CNOT9: variants seen among roughly 807,000 people sequenced by gnomAD.
CNOT9 encodes the protein RCD1 required for cell differentiation1 homolog.
In CNOT9, 8 loss-of-function variants were observed where a neutral mutation model predicts 37.4. That is an observed-to-expected ratio of 0.21 (90% CI 0.13 to 0.39). The LOEUF (loss-of-function observed/expected upper bound fraction) is 0.39. CNOT9 is among the 10% of genes least tolerant of loss of function. CNOT9 has a pLI of 1.00. For missense variants in CNOT9, 154 were observed against 365.3 expected (o/e 0.42, Z 4.71); for synonymous variants, 120 against 137.6 (o/e 0.87, Z 0.90).
At chr2:218,589,442 C>G (rs958853887) in intron 5 of CNOT9, 1 of 152,128 alleles carries the variant, frequency 6.6e-6, no homozygotes, top group African/African-American at 2.4e-5. Context: ...TCAGTTGATC[C>G]TCCCACCTCA....
intron 1 of CNOT9, among the ~76,000 whole-genome samples, chr2:218,572,003 G>A (rs564396931): frequency 6.6e-6 from 1 of 151,504 alleles, no homozygotes; most frequent in Admixed American, 6.6e-5. Context: ...TACCACACAG[G>A]ATTATTCTAA....
chr2:218,569,748 C>T (rs1376368563), intron 1 of CNOT9, among the ~76,000 whole-genome samples: 1 of 152,210 alleles, frequency 6.6e-6, no homozygotes, highest in Non-Finnish European at 1.5e-5. Flanking sequence ...TTTGTGGTCT[C>T]TATGCCTGGA....
chr2:218,592,785 G>A lies in CNOT9; in HGVS notation c.731+78G>A, dbSNP rs538697735. 5.3e-6 allele frequency: 6 copies of A among 1,128,704 alleles called. No homozygotes were observed. The highest frequency in any genetic ancestry group is 8.1e-6 in the Non-Finnish European group (6 of 742,242). The allele number at this position is 1,128,704 out of a possible 1,614,324, so 69.9% of individuals were successfully genotyped here. A position where few individuals can be genotyped will look rare whatever the true frequency, so the allele number is the denominator to read the frequency against. On this transcript the variant is annotated intron_variant, in intron 7 of 7. Coordinates refer to ENST00000273064, the MANE Select transcript of CNOT9 (RefSeq NM_005444.3). The surrounding 1 kb of genome is among the most constrained non-coding windows in gnomAD (Gnocchi z 4.1). ...TTCCTAATCTCATGGCATAGCTCCT[G>A]TGTCTTTAGGACAGGGAAGTGGGGA...
intron 5 of CNOT9, among the ~76,000 whole-genome samples, chr2:218,589,714 C>T (rs1179311379): frequency 1.3e-5 from 2 of 152,216 alleles, no homozygotes; most frequent in East Asian, 3.8e-4. Flanking sequence ...ATGATAATGG[C>T]ACACTATAGC....
At chr2:218,586,484 T>G (rs1218416641) in intron 4 of CNOT9, among the ~76,000 whole-genome samples, 1 of 148,786 alleles carries the variant, frequency 6.7e-6, no homozygotes, top group African/African-American at 2.5e-5. Context: ...CACCCTGATC[T>G]CAGCTTTTTT....
rs1693818707 is a variant in CNOT9, at chr2:218,568,862, C to G, written c.-93C>G. ...GCGAGCCGGAGTCGGATGGCGGCTA[C>G]GGCGGCTCATTGTTTTCCGCTGCAG... On this transcript the variant is annotated 5_prime_UTR_variant, in exon 1 of 8. Coordinates refer to ENST00000273064, the MANE Select transcript of CNOT9 (RefSeq NM_005444.3). 2 of 1,436,620 alleles carry G rather than the reference C, an allele frequency of 1.4e-6. No individual in the cohort carries two copies. The highest frequency in any genetic ancestry group is 1.9e-6 in the Non-Finnish European group (2 of 1,048,064). 89.0% of individuals were successfully genotyped at this position (1,436,620 alleles called of 1,614,324 possible).
rs1661280061 is a variant in CNOT9 at position 218,595,273 on chromosome 2, G to C, written c.*997G>C. On this transcript the variant is annotated 3_prime_UTR_variant, in exon 8 of 8. Coordinates refer to ENST00000273064, the MANE Select transcript of CNOT9 (RefSeq NM_005444.3). ...TTGGGATTAAGGTGACAGTCCACTT[G>C]ATCCTTTTCTTTGTTTTAGTGTGAA... is the stretch of plus-strand genomic sequence containing the variant. 1 of 152,058 alleles carries C rather than the reference G, an allele frequency of 6.6e-6. No individual in the cohort carries two copies. Among genetic ancestry groups the C allele is most frequent in the African/African-American group, 2.4e-5 (1 of 41,406 alleles). 9.4% of individuals were successfully genotyped at this position (152,058 alleles called of 1,614,324 possible).
intron 4 of CNOT9, among the ~76,000 whole-genome samples, chr2:218,586,685 C>T (rs1694607846): frequency 6.6e-6 from 1 of 152,024 alleles, no homozygotes; most frequent in Admixed American, 6.6e-5. Context: ...GACAGGGTTT[C>T]ACGATGTTGG....
intron 1 of CNOT9, among the ~76,000 whole-genome samples, chr2:218,571,876 G>T (rs561213355): frequency 2.0e-5 from 3 of 151,212 alleles, no homozygotes; most frequent in East Asian, 2.0e-4. Context: ...GAGCCACTGC[G>T]CCCGACCTTG....
intron 1 of CNOT9, among the ~76,000 whole-genome samples, chr2:218,570,003 T>C (rs1353012056): frequency 6.6e-6 from 1 of 152,170 alleles, no homozygotes; most frequent in African/African-American, 2.4e-5. Context: ...TATTCGTTTA[T>C]TTGTTGTCTG....
chr2:218,569,698 C>G (rs1209202417), intron 1 of CNOT9, among the ~76,000 whole-genome samples: 2 of 152,196 alleles, frequency 1.3e-5, no homozygotes, highest in African/African-American at 2.4e-5. Context: ...CTCTGGCCAC[C>G]TAACCCTCTG....
At chr2:218,571,104 A>G (rs1181350254) in intron 1 of CNOT9, among the ~76,000 whole-genome samples, 2 of 152,228 alleles carry the variant, frequency 1.3e-5, no homozygotes, top group African/African-American at 4.8e-5. Flanking sequence ...GAGAAGCATA[A>G]TTAATGCATG....
chr2:218,588,202 T>C (rs79302713), intron 5 of CNOT9, among the ~76,000 whole-genome samples: 1 of 152,162 alleles, frequency 6.6e-6, no homozygotes, highest in Non-Finnish European at 1.5e-5. Flanking sequence ...CCTAATTCTT[T>C]CCTTTTTTAG....
chr2:218,574,595 C>T (rs750718967), intron 1 of CNOT9, among the ~76,000 whole-genome samples: 10 of 152,342 alleles, frequency 6.6e-5, no homozygotes, highest in Non-Finnish European at 1.0e-4. Flanking sequence ...TTCTGCTGTA[C>T]ACTGGCTGTG....
At chr2:218,571,928 T>G (rs891879570) in intron 1 of CNOT9, among the ~76,000 whole-genome samples, 1 of 151,952 alleles carries the variant, frequency 6.6e-6, no homozygotes, top group African/African-American at 2.4e-5. Flanking sequence ...CATCTTCATA[T>G]ATTCATTACC....
intron 1 of CNOT9, among the ~76,000 whole-genome samples, chr2:218,579,571 C>G (rs923332280): frequency 6.6e-6 from 1 of 152,132 alleles, no homozygotes; most frequent in Non-Finnish European, 1.5e-5. Flanking sequence ...ACTGCAACCT[C>G]CGCCTCCTGG....
At chr2:218,584,767 T>A in intron 4 of CNOT9, 46 bp downstream of exon 4, 1 of 1,316,444 alleles carries the variant, frequency 7.6e-7, no homozygotes, top group Non-Finnish European at 1.1e-6. Context: ...CTCACAGTAG[T>A]AGTCTAAGTT....
At chr2:218,581,120 A>G in intron 2 of CNOT9, 2 of 340,638 alleles carry the variant, frequency 5.9e-6, no homozygotes, top group Middle Eastern at 3.7e-4. Context: ...ACAAGGTACA[A>G]TATATTCTAT....
chr2:218,581,015 C>G (rs1439195819), intron 2 of CNOT9: 12 of 550,368 alleles, frequency 2.2e-5, no homozygotes, highest in Non-Finnish European at 3.8e-5. Flanking sequence ...TGCAAGTGAT[C>G]TAAGAACTAC....
Sources: gnomAD v4.1 joint callset for allele counts (sites outside exome capture counted in the v4.1 genomes callset) on GRCh38, gnomAD v4.1.1 for gene constraint, Gnocchi (gnomAD v3.1) non-coding constraint, MANE v1.5 for transcripts, NCBI Gene and HGNC (gene_info 2026-07-23, HGNC 2026-07-21) for gene names.